The following NEK7 variants were observed in gnomAD, a reference collection of about 807,000 sequenced individuals.
The protein encoded by NEK7 is NIMA related kinase 7, also known as serine/threonine-protein kinase Nek7.
In NEK7, 18 loss-of-function variants were observed where a neutral mutation model predicts 44.6. The observed-to-expected ratio is 0.40, with a 90% confidence interval of 0.28 to 0.60. NEK7 has a LOEUF of 0.60. Among genes scored for constraint, NEK7 ranks in the 20% least tolerant of loss-of-function variants. The pLI, the probability that NEK7 is intolerant of heterozygous loss-of-function variation, is 0.38. For missense variants in NEK7, 256 were observed against 366.5 expected, an observed-to-expected ratio of 0.70 and a Z score of 2.46; for synonymous variants, 130 against 121.1, an observed-to-expected ratio of 1.07 and a Z score of -0.48.
chr1:198,238,384 G>T (rs1388713098), intron 2 of NEK7, among the ~76,000 whole-genome samples: 1 of 152,054 alleles, frequency 6.6e-6, no homozygotes, highest in African/African-American at 2.4e-5. Context: ...CAGCTTTGAG[G>T]CTTATTCCAT....
intron 2 of NEK7, among the ~76,000 whole-genome samples, chr1:198,243,194 C>G (rs1033234483): frequency 2.0e-5 from 3 of 152,112 alleles, no homozygotes; most frequent in African/African-American, 7.2e-5. Context: ...CTAAATTAAC[C>G]AACCTAAAAT....
At chr1:198,267,220 G>A (rs997143745) in intron 5 of NEK7, among the ~76,000 whole-genome samples, 1 of 151,908 alleles carries the variant, frequency 6.6e-6, no homozygotes, top group African/African-American at 2.4e-5. Flanking sequence ...ATATGCTCAG[G>A]TCACTGTTAT....
Position 198,231,330 on chromosome 1 carries a change from TATATATAA to T in NEK7, c.-28-1221_-28-1214del, listed in dbSNP as rs1395543549. On this transcript the variant is annotated intron_variant, in intron 1 of 9. Transcript: ENST00000367385. ...ATATATATATATATATATATATATA[TATATATAA>T]AAACACATGATCATTTGGTATATGA... Among the ~76,000 whole-genome samples, 153 of 136,054 alleles carry T rather than the reference TATATATAA, an allele frequency of 1.1e-3. 2 individuals carry two copies. The highest frequency in any genetic ancestry group is 4.1e-3 in the African/African-American group (139 of 34,072). 89.3% of individuals were successfully genotyped at this position (136,054 alleles called of 152,430 possible).
chr1:198,243,943 T>C (rs1666759734), intron 2 of NEK7, among the ~76,000 whole-genome samples: 1 of 151,986 alleles, frequency 6.6e-6, no homozygotes, highest in Non-Finnish European at 1.5e-5. Flanking sequence ...GTAGAAAATA[T>C]GACAGGAGGT....
At chr1:198,218,914 T>G (rs1383327850) in intron 1 of NEK7, among the ~76,000 whole-genome samples, 1 of 151,810 alleles carries the variant, frequency 6.6e-6, no homozygotes, top group Non-Finnish European at 1.5e-5. Flanking sequence ...AGCCATAGAT[T>G]CTGGCATGGA....
In NEK7 at chr1:198,292,944, G is replaced by T; in HGVS notation, c.590-1G>T. On this transcript the variant is annotated splice_acceptor_variant, in intron 7 of 9. Transcript: ENST00000367385. LOFTEE classifies it high-confidence loss of function. The stretch of plus-strand genomic sequence containing the variant: ...ACTTTATTTGGTTTGTTTTTTTGCA[G>T]TTGGTACGCCTTATTACATGTCTCC... The T allele has an allele frequency of 6.5e-7, 1 of 1,532,638 alleles. No individual in the cohort carries two copies. The allele number at this position is 1,532,638 out of a possible 1,614,324, so 94.9% of individuals were successfully genotyped here. A position where few individuals can be genotyped will look rare whatever the true frequency, so the allele number is the denominator to read the frequency against.
At chr1:198,198,071 C>A in intron 1 of NEK7, 1 of 1,453,650 alleles carries the variant, frequency 6.9e-7, no homozygotes, top group South Asian at 1.4e-5. Flanking sequence ...AAGAAAGGGG[C>A]CTTGGGGAAA....
At chr1:198,234,937 T>G (rs1432454500) in intron 2 of NEK7, among the ~76,000 whole-genome samples, 3 of 152,190 alleles carry the variant, frequency 2.0e-5, no homozygotes, top group African/African-American at 4.8e-5. Flanking sequence ...ATTAAGTCTT[T>G]GAAAAACGTT....
At chr1:198,258,585 C>T (rs1653351258) in intron 3 of NEK7, among the ~76,000 whole-genome samples, 1 of 152,144 alleles carries the variant, frequency 6.6e-6, no homozygotes, top group African/African-American at 2.4e-5. Flanking sequence ...GATTTCATTT[C>T]CTTTTAAAGA....
At chr1:198,249,047 C>A (rs1158786693) in intron 2 of NEK7, among the ~76,000 whole-genome samples, 7 of 118,618 alleles carry the variant, frequency 5.9e-5, no homozygotes, top group African/African-American at 1.9e-4. Flanking sequence ...CCCCTCCCCC[C>A]ACCCCACAAC....
intron 1 of NEK7, among the ~76,000 whole-genome samples, chr1:198,158,443 C>T (rs1257909682): frequency 6.6e-6 from 1 of 152,192 alleles, no homozygotes; most frequent in African/African-American, 2.4e-5. Flanking sequence ...ATGCACACTC[C>T]CTCCAGGCGA....
chr1:198,308,727 T>G (rs1452515209), intron 9 of NEK7, among the ~76,000 whole-genome samples: 2 of 152,336 alleles, frequency 1.3e-5, no homozygotes, highest in Non-Finnish European at 1.5e-5. Flanking sequence ...CCTCAGCTTA[T>G]CATTTCATCC....
intron 1 of NEK7, among the ~76,000 whole-genome samples, chr1:198,217,859 C>T (rs992817774): frequency 6.9e-6 from 1 of 145,562 alleles, no homozygotes. Flanking sequence ...AAAAAAAAGC[C>T]CCAAGCCTAG....
At chr1:198,158,826 T>C (rs956570935) in intron 1 of NEK7, among the ~76,000 whole-genome samples, 2 of 152,184 alleles carry the variant, frequency 1.3e-5, no homozygotes, top group Non-Finnish European at 2.9e-5. Flanking sequence ...CACAGCTTGC[T>C]TCACTCTTAG....
chr1:198,322,274 T>C lies in NEK7; in HGVS notation c.*2752T>C, dbSNP rs1571630957. ...TACCCTGTGCCTCATATTTCAATAG[T>C]ACTGTAATATGGACATCTTTTGTGA... On this transcript the variant is annotated 3_prime_UTR_variant, in exon 10 of 10. Transcript: ENST00000367385. The C allele has an allele frequency of 6.6e-6, 1 of 152,218 alleles. No homozygotes were observed. Among genetic ancestry groups the C allele is most frequent in the African/African-American group, 2.4e-5 (1 of 41,468 alleles). The allele number at this position is 152,218 out of a possible 1,614,324, so 9.4% of individuals were successfully genotyped here.
At chr1:198,183,311 T>C (rs1312648446) in intron 1 of NEK7, among the ~76,000 whole-genome samples, 1 of 152,158 alleles carries the variant, frequency 6.6e-6, no homozygotes, top group Non-Finnish European at 1.5e-5. Context: ...AATGGAACCA[T>C]TCTGAGTACC....
At chr1:198,224,516 T>A (rs1381656544) in intron 1 of NEK7, among the ~76,000 whole-genome samples, 1 of 152,022 alleles carries the variant, frequency 6.6e-6, no homozygotes, top group Non-Finnish European at 1.5e-5. Flanking sequence ...AACATACGTC[T>A]GTACTTCAAC....
intron 1 of NEK7, among the ~76,000 whole-genome samples, chr1:198,213,490 T>C (rs1226509335): frequency 6.6e-6 from 1 of 152,168 alleles, no homozygotes; most frequent in Non-Finnish European, 1.5e-5. Flanking sequence ...TAGGTGCATC[T>C]GTGGACAGCC....
intron 9 of NEK7, among the ~76,000 whole-genome samples, chr1:198,315,455 C>T (rs1288929624): frequency 2.6e-5 from 4 of 152,200 alleles, no homozygotes; most frequent in Admixed American, 2.0e-4. Context: ...CATCTTGGCT[C>T]CTCCTCCCCA....
Sources: gnomAD v4.1 joint callset for allele counts (sites outside exome capture counted in the v4.1 genomes callset) on GRCh38, gnomAD v4.1.1 for gene constraint, MANE v1.5 for transcripts, NCBI Gene and HGNC (gene_info 2026-07-23, HGNC 2026-07-21) for gene names.